NOL4: variants seen among roughly 807,000 people sequenced by gnomAD.
The protein encoded by NOL4 is nucleolar protein 4.
A neutral mutation model predicts 75.9 loss-of-function variants in NOL4; 17 were observed. The ratio of observed to expected loss-of-function variants is 0.22; its 90% CI spans 0.15 to 0.34. The LOEUF (loss-of-function observed/expected upper bound fraction) is 0.34. NOL4 is among the 10% of genes least tolerant of loss of function. The pLI is 1.00. For synonymous variants in NOL4, 292 were observed against 289.9 expected, an observed-to-expected ratio of 1.01 and a Z score of -0.07; for missense variants, 614 against 793.5, an observed-to-expected ratio of 0.77 and a Z score of 2.72.
At chr18:34,004,194 A>T (rs1211033513) in intron 6 of NOL4, among the ~76,000 whole-genome samples, 1 of 151,968 alleles carries the variant, frequency 6.6e-6, no homozygotes, top group Non-Finnish European at 1.5e-5. Flanking sequence ...CAGTTATCCC[A>T]CATTTACAGA....
At chr18:34,100,034 G>C (rs2078972115) in intron 4 of NOL4, among the ~76,000 whole-genome samples, 1 of 124,854 alleles carries the variant, frequency 8.0e-6, no homozygotes, top group Non-Finnish European at 1.7e-5. Context: ...AACATCCTTA[G>C]TCTTGCTTTT....
At chr18:34,082,483 T>G (rs1339628840) in intron 5 of NOL4, among the ~76,000 whole-genome samples, 2 of 152,226 alleles carry the variant, frequency 1.3e-5, no homozygotes, top group Admixed American at 1.3e-4. Flanking sequence ...CTCGTCATCA[T>G]CTGTCCTTTG....
At chr18:34,073,559 A>C (rs1490819288) in intron 5 of NOL4, among the ~76,000 whole-genome samples, 1 of 152,052 alleles carries the variant, frequency 6.6e-6, no homozygotes, top group African/African-American at 2.4e-5. Flanking sequence ...AATGACACAG[A>C]AAATGAGTCT....
intron 9 of NOL4, among the ~76,000 whole-genome samples, chr18:33,912,729 C>A (rs1214670994): frequency 6.6e-6 from 1 of 152,020 alleles, no homozygotes; most frequent in Non-Finnish European, 1.5e-5. Flanking sequence ...ATATTACTCT[C>A]TTCTACTAGG....
At chr18:34,045,957 A>T (rs1483527606) in intron 5 of NOL4, among the ~76,000 whole-genome samples, 2 of 152,018 alleles carry the variant, frequency 1.3e-5, no homozygotes, top group Non-Finnish European at 2.9e-5. Flanking sequence ...AGTTTTAGAA[A>T]CTCTCCTTAG....
Position 33,852,344 on chromosome 18 carries a change from T to A in NOL4, c.*498A>T, listed in dbSNP as rs987019003. On this transcript the variant is annotated 3_prime_UTR_variant, in exon 11 of 11. Transcript: ENST00000261592. ...AAGTTTGAATGAAAAACAAGTTTTC[T>A]TTTTATAAAAATTACATATTTTTTT... The A allele has an allele frequency of 6.6e-6, 1 of 152,470 alleles. No homozygotes were observed. Among genetic ancestry groups the A allele is most frequent in the African/African-American group, 2.4e-5 (1 of 41,430 alleles). The allele number at this position is 152,470 out of a possible 1,614,324, so 9.4% of individuals were successfully genotyped here.
intron 9 of NOL4, among the ~76,000 whole-genome samples, chr18:33,911,176 C>G (rs879792344): frequency 7.1e-6 from 1 of 141,526 alleles, no homozygotes; most frequent in Non-Finnish European, 1.5e-5. Context: ...AAGATTTTGC[C>G]TTTATTTCAT....
At chr18:33,999,417 T>A (rs189563298) in intron 6 of NOL4, among the ~76,000 whole-genome samples, 1 of 152,202 alleles carries the variant, frequency 6.6e-6, no homozygotes, top group East Asian at 1.9e-4. Context: ...TATAAAAATA[T>A]AATGTTATTT....
intron 5 of NOL4, among the ~76,000 whole-genome samples, chr18:34,069,727 T>C (rs2077429818): frequency 2.0e-5 from 3 of 152,084 alleles, no homozygotes; most frequent in Admixed American, 1.3e-4. Context: ...TTATCCACAG[T>C]AACCCGCTCA....
At chr18:33,867,437 T>A (rs1197551035) in intron 10 of NOL4, among the ~76,000 whole-genome samples, 1 of 152,160 alleles carries the variant, frequency 6.6e-6, no homozygotes, top group Admixed American at 6.6e-5. Flanking sequence ...AATGTACAGA[T>A]AAATTTTACA....
At position 34,002,957 on chromosome 18, in the gene NOL4, T is replaced by C. The variant is rs2146248827; in HGVS notation, c.1056+16361A>G. Among the ~76,000 whole-genome samples the C allele has an allele frequency of 1.3e-5, 2 of 152,212 alleles. 1 individual carries two copies. The highest frequency in any genetic ancestry group is 4.8e-5 in the African/African-American group (2 of 41,558). On this transcript the variant is annotated intron_variant, in intron 6 of 10. Transcript: ENST00000261592. ...CATGATGTAGGCATTCTTTAATTCT[T>C]TATATGAAACTTGTATGAGTAAACA...
intron 4 of NOL4, 115 bp from the exon 5 acceptor site, chr18:34,093,712 G>T (rs918115990): frequency 7.8e-6 from 6 of 772,802 alleles, no homozygotes; most frequent in Non-Finnish European, 1.1e-5. Context: ...ACAGAATTCA[G>T]AAAAATATGT....
At chr18:33,901,647 A>G (rs1001173780) in intron 9 of NOL4, among the ~76,000 whole-genome samples, 1 of 152,072 alleles carries the variant, frequency 6.6e-6, no homozygotes, top group Non-Finnish European at 1.5e-5. Flanking sequence ...TCCATAACAT[A>G]TTAATATCTG....
intron 10 of NOL4, among the ~76,000 whole-genome samples, chr18:33,854,139 C>A (rs766584394): frequency 1.3e-4 from 20 of 151,994 alleles, no homozygotes; most frequent in Non-Finnish European, 2.8e-4. Flanking sequence ...CCTAAACATG[C>A]GTAAATTTTC....
intron 5 of NOL4, among the ~76,000 whole-genome samples, chr18:34,022,643 GA>G (rs1431807266): frequency 6.6e-6 from 1 of 151,668 alleles, no homozygotes; most frequent in African/African-American, 2.4e-5. Flanking sequence ...TTTAATTCAT[GA>G]AAAAAAGTGA....
intron 5 of NOL4, among the ~76,000 whole-genome samples, chr18:34,024,190 A>ATATAT (rs1322401512): frequency 1.3e-4 from 9 of 69,662 alleles, no homozygotes; most frequent in East Asian, 5.7e-4. Context: ...GGAAAAAAAA[A>ATATAT]AAAAATATAT....
At chr18:34,128,265 CTAT>C (rs1219664066) in intron 2 of NOL4, among the ~76,000 whole-genome samples, 1 of 151,890 alleles carries the variant, frequency 6.6e-6, no homozygotes, top group Non-Finnish European at 1.5e-5. Context: ...TGCCACACTA[CTAT>C]TGACAACGAA....
intron 1 of NOL4, among the ~76,000 whole-genome samples, chr18:34,134,447 GACACACACACACAC>G (rs199707766): frequency 3.9e-4 from 53 of 134,242 alleles, no homozygotes; most frequent in Middle Eastern, 7.5e-3. Flanking sequence ...GACTCCAAGT[GACACACACACACAC>G]ACACACACAC....
intron 5 of NOL4, among the ~76,000 whole-genome samples, chr18:34,072,250 A>G (rs1234982027): frequency 1.3e-5 from 2 of 152,232 alleles, no homozygotes; most frequent in African/African-American, 4.8e-5. Context: ...AAAAAAAGAT[A>G]AAATGACAGA....
Sources: gnomAD v4.1 joint callset for allele counts (sites outside exome capture counted in the v4.1 genomes callset) on GRCh38, gnomAD v4.1.1 for gene constraint, MANE v1.5 for transcripts, NCBI Gene and HGNC (gene_info 2026-07-23, HGNC 2026-07-21) for gene names.